The following CNTN3 variants were observed in gnomAD, a reference collection of about 807,000 sequenced individuals.
CNTN3 encodes contactin-3.
In CNTN3, 60 loss-of-function variants were observed where a neutral mutation model predicts 119.1. The ratio of observed to expected loss-of-function variants is 0.50; its 90% CI spans 0.41 to 0.62. The LOEUF (loss-of-function observed/expected upper bound fraction) is 0.62. Among genes scored for constraint, CNTN3 ranks in the 20% least tolerant of loss-of-function variants. The probability of loss-of-function intolerance (pLI) is 0.00; values close to 1 mark genes in which losing one functional copy is unlikely to be tolerated. For missense variants in CNTN3, 1,101 were observed against 1,242.4 expected, an observed-to-expected ratio of 0.89 and a Z score of 1.71; for synonymous variants, 450 against 438.7, an observed-to-expected ratio of 1.03 and a Z score of -0.32.
At chr3:74,386,819 T>C (rs1388810830) in intron 5 of CNTN3, among the ~76,000 whole-genome samples, 1 of 152,210 alleles carries the variant, frequency 6.6e-6, no homozygotes, top group Non-Finnish European at 1.5e-5. Context: ...ATGTTTGTGG[T>C]TAGTGTTCTT....
At chr3:74,352,892 G>A (rs532195290) in intron 11 of CNTN3, among the ~76,000 whole-genome samples, 7 of 152,264 alleles carry the variant, frequency 4.6e-5, no homozygotes, top group Admixed American at 3.9e-4. Flanking sequence ...GAGCTTGCAC[G>A]CCTACCTGAC....
rs1446326326 is a variant in CNTN3 at position 74,295,109 on chromosome 3, A to T, written c.2517+12T>A. The T allele has an allele frequency of 4.5e-6, 7 of 1,547,362 alleles. No individual in the cohort carries two copies. Among genetic ancestry groups the T allele is most frequent in the Non-Finnish European group, 6.2e-6 (7 of 1,120,430 alleles). On this transcript the variant is annotated intron_variant, in intron 19 of 22. Coordinates refer to ENST00000263665, the MANE Select transcript of CNTN3 (RefSeq NM_020872.3). ...TAACACACATACACAATTTAATCGG[A>T]AAAGAAATTACCTCATAGCCCAGTA...
intron 5 of CNTN3, among the ~76,000 whole-genome samples, chr3:74,411,215 T>TA (rs11368414): frequency 0.67 from 101,324 of 151,180 alleles, 34,456 homozygotes; most frequent in East Asian, 0.81. Flanking sequence ...TTAAAATAGG[T>TA]AAAAAAAAAG....
chr3:74,462,098 T>C (rs1702380787), intron 4 of CNTN3, among the ~76,000 whole-genome samples: 1 of 152,012 alleles, frequency 6.6e-6, no homozygotes, highest in Admixed American at 6.6e-5. Flanking sequence ...TGTTTAAACA[T>C]GTGGGGAACA....
chr3:74,291,892 T>C (rs1453132075), intron 19 of CNTN3, among the ~76,000 whole-genome samples: 2 of 152,046 alleles, frequency 1.3e-5, no homozygotes, highest in African/African-American at 4.8e-5. Context: ...GGAAACACAG[T>C]TGTTCAATCT....
Position 74,614,427 on chromosome 3 carries a change from G to A in CNTN3, c.-117C>T, listed in dbSNP as rs1156664124. On this transcript the variant is annotated 5_prime_UTR_variant, in exon 1 of 23. Coordinates refer to ENST00000263665, the MANE Select transcript of CNTN3 (RefSeq NM_020872.3). ...AGCTCGCCAGACGCCCGCCCCGACG[G>A]CCCACTCGCCGCCGCCGCCGCCGCC... 7.2e-6 allele frequency among the ~76,000 whole-genome samples: 1 copy of A among 139,084 alleles called. No individual in the cohort carries two copies. The highest frequency in any genetic ancestry group is 2.8e-5 in the African/African-American group (1 of 36,280). 91.2% of individuals were successfully genotyped at this position (139,084 alleles called of 152,430 possible).
chr3:74,541,405 CAGAA>C (rs57751448), intron 1 of CNTN3, among the ~76,000 whole-genome samples: 150,557 of 152,162 alleles, frequency 0.99, 74,493 homozygotes, highest in Middle Eastern at 1. Flanking sequence ...TACCACATAG[CAGAA>C]AGAATCAATG....
At chr3:74,483,524 G>C (rs565681421) in intron 4 of CNTN3, among the ~76,000 whole-genome samples, 1 of 152,088 alleles carries the variant, frequency 6.6e-6, no homozygotes, top group African/African-American at 2.4e-5. Context: ...AGAGCAACCT[G>C]GGGGGATAAG....
At chr3:74,517,624 T>C (rs1277115049) in intron 2 of CNTN3, among the ~76,000 whole-genome samples, 1 of 151,600 alleles carries the variant, frequency 6.6e-6, no homozygotes, top group Non-Finnish European at 1.5e-5. Flanking sequence ...CTCAGTGGCT[T>C]TTCCTCAGAC....
At chr3:74,291,008 T>A (rs184300624) in intron 19 of CNTN3, among the ~76,000 whole-genome samples, 1 of 152,172 alleles carries the variant, frequency 6.6e-6, no homozygotes, top group South Asian at 2.1e-4. Flanking sequence ...CATTAACTCA[T>A]CATTTACATT....
At chr3:74,288,163 T>C (rs1198613624) in intron 19 of CNTN3, among the ~76,000 whole-genome samples, 1 of 146,416 alleles carries the variant, frequency 6.8e-6, no homozygotes, top group Admixed American at 6.8e-5. Flanking sequence ...TCTTTTCTTT[T>C]TTTTTTTTTT....
chr3:74,268,645 T>A (rs1701709126), intron 20 of CNTN3, among the ~76,000 whole-genome samples: 1 of 152,148 alleles, frequency 6.6e-6, no homozygotes, highest in Non-Finnish European at 1.5e-5. Flanking sequence ...CAGCTAAGAT[T>A]GTCTGAGCTG....
intron 1 of CNTN3, among the ~76,000 whole-genome samples, chr3:74,600,889 A>C (rs2106703505): frequency 1.3e-5 from 2 of 152,140 alleles, no homozygotes; most frequent in East Asian, 3.9e-4. Context: ...TCCTACATTC[A>C]TATGAAACCT....
intron 1 of CNTN3, among the ~76,000 whole-genome samples, chr3:74,555,528 G>A (rs1232000041): frequency 6.6e-6 from 1 of 152,180 alleles, no homozygotes; most frequent in Non-Finnish European, 1.5e-5. Context: ...ATTCAGCTGT[G>A]AATCCGTCTG....
At chr3:74,499,965 A>G (rs894420446) in intron 2 of CNTN3, among the ~76,000 whole-genome samples, 180 bp from the exon 3 acceptor site, 3 of 152,096 alleles carry the variant, frequency 2.0e-5, no homozygotes, top group Admixed American at 6.6e-5. Context: ...ACTCAACAGC[A>G]TAGTACCACC....
intron 1 of CNTN3, among the ~76,000 whole-genome samples, chr3:74,531,566 T>G (rs542630606): frequency 1.3e-5 from 2 of 151,892 alleles, no homozygotes; most frequent in South Asian, 2.1e-4. Context: ...CTAGACCAGA[T>G]AGGTGATTCA....
At chr3:74,457,337 T>C (rs1229391857) in intron 4 of CNTN3, among the ~76,000 whole-genome samples, 2 of 152,040 alleles carry the variant, frequency 1.3e-5, no homozygotes, top group African/African-American at 2.4e-5. Context: ...CATGTATGCA[T>C]AGGGGTTAAC....
intron 5 of CNTN3, among the ~76,000 whole-genome samples, chr3:74,402,366 A>G (rs2106852205): frequency 6.6e-6 from 1 of 152,326 alleles, no homozygotes; most frequent in Middle Eastern, 3.4e-3. Flanking sequence ...ATTAAATATC[A>G]TCTAATCTTA....
chr3:74,524,000 C>T (rs1245240271), intron 1 of CNTN3, among the ~76,000 whole-genome samples: 2 of 151,800 alleles, frequency 1.3e-5, no homozygotes, highest in African/African-American at 4.8e-5. Flanking sequence ...TAAATCTTTG[C>T]ACCGGACATC....
Sources: allele counts gnomAD v4.1 joint callset (sites outside exome capture counted in the v4.1 genomes callset), GRCh38; gene constraint gnomAD v4.1.1; transcripts MANE v1.5; gene names NCBI Gene and HGNC (gene_info 2026-07-23, HGNC 2026-07-21).